The following FRAS1 variants were observed in gnomAD, a reference collection of about 807,000 sequenced individuals.
The protein encoded by FRAS1 is Fraser extracellular matrix complex subunit 1.
Under a neutral mutation model 435.2 loss-of-function variants are expected in FRAS1, and 290 were observed. That is an observed-to-expected ratio of 0.67 (90% confidence interval 0.61 to 0.73). FRAS1 has a LOEUF of 0.73. FRAS1 is among the 30% of genes least tolerant of loss of function. The probability of loss-of-function intolerance (pLI) is 0.00; values close to 1 mark genes in which losing one functional copy is unlikely to be tolerated. For synonymous variants in FRAS1, 1,800 were observed against 1,851.0 expected (o/e 0.97, Z 0.71); for missense variants, 4,860 against 5,001.5 (o/e 0.97, Z 0.85).
At chr4:78,446,700 A>G in intron 42 of FRAS1, 27 bp from the exon 43 acceptor site, 1 of 1,599,432 alleles carries the variant, frequency 6.3e-7, no homozygotes, top group Non-Finnish European at 8.5e-7. Flanking sequence ...TATCTGTGTG[A>G]GATCTAATAG....
chr4:78,440,587 A>G (rs1338554535), intron 40 of FRAS1, among the ~76,000 whole-genome samples: 1 of 152,190 alleles, frequency 6.6e-6, no homozygotes, highest in South Asian at 2.1e-4. Context: ...AGGAAAAAAA[A>G]TTAGTTTGAG....
chr4:78,334,247 C>G (rs1446451500), intron 19 of FRAS1, among the ~76,000 whole-genome samples: 1 of 151,874 alleles, frequency 6.6e-6, no homozygotes, highest in Admixed American at 6.6e-5. Flanking sequence ...CAAATATTAC[C>G]CTGGTGATAG....
chr4:78,101,764 TGAG>T (rs1742144849), intron 2 of FRAS1, among the ~76,000 whole-genome samples: 2 of 152,202 alleles, frequency 1.3e-5, no homozygotes, highest in African/African-American at 2.4e-5. Context: ...GATGGCAGAA[TGAG>T]GAGAAGAAAT....
intron 35 of FRAS1, among the ~76,000 whole-genome samples, chr4:78,427,233 A>G (rs1238565649): frequency 2.6e-5 from 4 of 152,170 alleles, no homozygotes; most frequent in African/African-American, 9.7e-5. Context: ...TTAAAATCAC[A>G]AGCTCAGCCC....
At chr4:78,376,268 A>G (rs1475427242) in intron 26 of FRAS1, among the ~76,000 whole-genome samples, 1 of 152,184 alleles carries the variant, frequency 6.6e-6, no homozygotes, top group East Asian at 1.9e-4. Context: ...TTTGAACTCC[A>G]TGGAGTGTAC....
intron 15 of FRAS1, among the ~76,000 whole-genome samples, chr4:78,314,968 A>C (rs1394258912): frequency 6.6e-6 from 1 of 152,180 alleles, no homozygotes; most frequent in African/African-American, 2.4e-5. Flanking sequence ...TAGACTACTA[A>C]GCTACTTAAA....
chr4:78,456,746 G>A (rs1460586687), intron 47 of FRAS1, among the ~76,000 whole-genome samples: 1 of 152,202 alleles, frequency 6.6e-6, no homozygotes, highest in Admixed American at 6.5e-5. Context: ...ATTAACAAAT[G>A]TCCAGCAATG....
chr4:78,274,612 T>C (rs1726898725), intron 9 of FRAS1, among the ~76,000 whole-genome samples: 1 of 152,242 alleles, frequency 6.6e-6, no homozygotes, highest in Non-Finnish European at 1.5e-5. Flanking sequence ...ATTTTCCATG[T>C]AGTTGAGCAG....
intron 59 of FRAS1, among the ~76,000 whole-genome samples, chr4:78,494,429 C>G (rs1322535972): frequency 6.6e-6 from 1 of 152,104 alleles, no homozygotes; most frequent in African/African-American, 2.4e-5. Context: ...AGGAAGCTAC[C>G]ACTCAAGGCA....
intron 9 of FRAS1, among the ~76,000 whole-genome samples, chr4:78,277,153 G>T (rs1727086656): frequency 6.6e-6 from 1 of 152,216 alleles, no homozygotes; most frequent in South Asian, 2.1e-4. Context: ...CATTTGCTAA[G>T]ACCATTGGAA....
Position 78,436,345 on chromosome 4 carries a change from C to T in FRAS1, c.5218-2225C>T, listed in dbSNP as rs142432857. Reference sequence around the variant, plus strand: ...CCAAGTGTGAGGAAGACAATGGATCCACAGGATGTTCTTTACTTTGCTGGT... The same window carrying T: ...CCAAGTGTGAGGAAGACAATGGATCTACAGGATGTTCTTTACTTTGCTGGT... On this transcript the variant is annotated intron_variant, in intron 38 of 73. Transcript: ENST00000512123. Among the ~76,000 whole-genome samples, 1,075 of 152,248 alleles carry T rather than the reference C, an allele frequency of 7.1e-3. 4 individuals are homozygous for T. The highest frequency in any genetic ancestry group is 0.011 in the Non-Finnish European group (724 of 68,020).
At chr4:78,245,804 A>G (rs1034461315) in intron 4 of FRAS1, among the ~76,000 whole-genome samples, 2 of 152,114 alleles carry the variant, frequency 1.3e-5, no homozygotes, top group Non-Finnish European at 2.9e-5. Flanking sequence ...TCTTTTTACT[A>G]TAGTAGAAAT....
intron 15 of FRAS1, 134 bp downstream of exon 15, chr4:78,308,343 T>C (rs572033188): frequency 4.2e-6 from 4 of 957,434 alleles, no homozygotes; most frequent in Non-Finnish European, 4.6e-6. Flanking sequence ...GAGATTAATC[T>C]TTGATTTAGA....
intron 15 of FRAS1, among the ~76,000 whole-genome samples, chr4:78,312,637 G>A (rs1729072490): frequency 1.3e-5 from 2 of 151,646 alleles, no homozygotes; most frequent in South Asian, 2.1e-4. Context: ...GACCAGGCTG[G>A]GCAATATAGT....
At chr4:78,360,293 T>C (rs1731027507) in intron 20 of FRAS1, among the ~76,000 whole-genome samples, 1 of 152,140 alleles carries the variant, frequency 6.6e-6, no homozygotes, top group African/African-American at 2.4e-5. Flanking sequence ...CAGAGACCTT[T>C]TCAAGAGCAA....
intron 15 of FRAS1, among the ~76,000 whole-genome samples, chr4:78,314,178 A>T (rs997288801): frequency 6.6e-6 from 1 of 151,882 alleles, no homozygotes; most frequent in African/African-American, 2.4e-5. Flanking sequence ...ACTTTTCCTG[A>T]ATCACTCAAC....
intron 30 of FRAS1, among the ~76,000 whole-genome samples, chr4:78,406,746 T>G (rs1019744257): frequency 1.3e-5 from 2 of 152,186 alleles, no homozygotes; most frequent in South Asian, 2.1e-4. Flanking sequence ...CTTATGGAGC[T>G]TAAGGAAGCT....
chr4:78,140,785 A>G (rs4458476), intron 2 of FRAS1, among the ~76,000 whole-genome samples: 83,693 of 150,622 alleles, frequency 0.56, 25,164 homozygotes, highest in Middle Eastern at 0.68. Context: ...GTGTATATAT[A>G]TCTCATGTAT....
intron 72 of FRAS1, 65 bp downstream of exon 72, chr4:78,537,265 C>T (rs1015771100): frequency 1.0e-5 from 15 of 1,440,784 alleles, no homozygotes; most frequent in Non-Finnish European, 1.3e-5. Flanking sequence ...TCAGCTATGA[C>T]TTCTGCCTAA....
Sources: gnomAD v4.1 joint callset for allele counts (sites outside exome capture counted in the v4.1 genomes callset) on GRCh38, gnomAD v4.1.1 for gene constraint, MANE v1.5 for transcripts, NCBI Gene and HGNC (gene_info 2026-07-23, HGNC 2026-07-21) for gene names.